The following CDH18 variants were observed in gnomAD, a reference collection of about 807,000 sequenced individuals.
The protein encoded by CDH18 is cadherin-18.
In CDH18, 31 loss-of-function variants were observed where a neutral mutation model predicts 67.9. That is an observed-to-expected ratio of 0.46 (90% confidence interval 0.34 to 0.62). The LOEUF (loss-of-function observed/expected upper bound fraction) is 0.62, where lower values mean the gene tolerates loss of function less well. CDH18 is among the 20% of genes least tolerant of loss of function. The probability of loss-of-function intolerance (pLI) is 0.01; values close to 1 mark genes in which losing one functional copy is unlikely to be tolerated. For missense variants in CDH18, 890 were observed against 975.5 expected, an observed-to-expected ratio of 0.91 and a Z score of 1.17; for synonymous variants, 362 against 347.2, an observed-to-expected ratio of 1.04 and a Z score of -0.48.
chr5:19,611,364 G>C (rs1748931658), intron 6 of CDH18, among the ~76,000 whole-genome samples: 1 of 152,134 alleles, frequency 6.6e-6, no homozygotes, highest in Admixed American at 6.6e-5. Context: ...TTCTGCAACA[G>C]GAATTAATTG....
rs1420207814 is a variant in CDH18 at position 19,472,356 on chromosome 5, C to T, written c.*870G>A. On this transcript the variant is annotated 3_prime_UTR_variant, in exon 13 of 13. Coordinates refer to ENST00000382275, the MANE Select transcript of CDH18 (RefSeq NM_004934.5). ...AATTGCTGATTTAAATATAATAAAA[C>T]AAGTGGAAAAAAGGAAAAAAAAAGT... is the stretch of plus-strand genomic sequence containing the variant. Among the ~76,000 whole-genome samples the T allele has an allele frequency of 2.6e-5, 4 of 151,364 alleles. No individual in the cohort carries two copies. Among genetic ancestry groups the T allele is most frequent in the African/African-American group, 9.7e-5 (4 of 41,144 alleles).
intron 2 of CDH18, among the ~76,000 whole-genome samples, chr5:20,141,206 A>C (rs1194220338): frequency 6.6e-6 from 1 of 152,208 alleles, no homozygotes; most frequent in South Asian, 2.1e-4. Context: ...TTGTTTCTTG[A>C]AAACACGAAA....
intron 5 of CDH18, among the ~76,000 whole-genome samples, chr5:19,687,433 A>C (rs1761261192): frequency 6.6e-6 from 1 of 152,142 alleles, no homozygotes; most frequent in Non-Finnish European, 1.5e-5. Context: ...GCATGACATC[A>C]GTTACACCCA....
At chr5:20,451,132 T>C (rs1017469751) in intron 1 of CDH18, among the ~76,000 whole-genome samples, 1 of 152,192 alleles carries the variant, frequency 6.6e-6, no homozygotes, top group African/African-American at 2.4e-5. Context: ...TTATTCTTTA[T>C]TGTAATTACT....
intron 5 of CDH18, among the ~76,000 whole-genome samples, chr5:19,681,089 G>A (rs956498235): frequency 1.3e-5 from 2 of 151,828 alleles, no homozygotes; most frequent in African/African-American, 4.8e-5. Context: ...ACCTTAAAAA[G>A]AACAAGATCA....
chr5:19,999,652 A>G (rs1736288866), intron 2 of CDH18, among the ~76,000 whole-genome samples: 1 of 152,184 alleles, frequency 6.6e-6, no homozygotes, highest in African/African-American at 2.4e-5. Flanking sequence ...AATTCTGGAC[A>G]CTAGCCTCAA....
At chr5:19,481,834 T>G (rs1389222100) in intron 12 of CDH18, among the ~76,000 whole-genome samples, 1 of 152,108 alleles carries the variant, frequency 6.6e-6, no homozygotes, top group Non-Finnish European at 1.5e-5. Context: ...GTCAGTACCA[T>G]AAAAGGAATA....
chr5:19,777,754 T>C (rs1321332407), intron 3 of CDH18, among the ~76,000 whole-genome samples: 1 of 152,170 alleles, frequency 6.6e-6, no homozygotes, highest in Non-Finnish European at 1.5e-5. Context: ...AGTAAGCTAG[T>C]TTTATACCTG....
chr5:19,579,095 T>C (rs1346630249), intron 7 of CDH18, among the ~76,000 whole-genome samples: 1 of 152,022 alleles, frequency 6.6e-6, no homozygotes, highest in Non-Finnish European at 1.5e-5. Context: ...AACCTCCTTA[T>C]TAATTACATT....
At chr5:19,560,281 C>A (rs574722391) in intron 8 of CDH18, among the ~76,000 whole-genome samples, 28 of 152,016 alleles carry the variant, frequency 1.8e-4, no homozygotes, top group African/African-American at 6.5e-4. Context: ...AGGCCATAGT[C>A]ACCAAAACAG....
chr5:19,785,432 C>A (rs1775595852), intron 3 of CDH18, among the ~76,000 whole-genome samples: 1 of 150,876 alleles, frequency 6.6e-6, no homozygotes, highest in African/African-American at 2.4e-5. Context: ...GCGGGCAGAT[C>A]ACCTGGGGTT....
At chr5:20,288,084 T>G (rs955117467) in intron 1 of CDH18, among the ~76,000 whole-genome samples, 1 of 151,700 alleles carries the variant, frequency 6.6e-6, no homozygotes. Flanking sequence ...CATTTTTTTT[T>G]TGTCACTGTG....
intron 2 of CDH18, among the ~76,000 whole-genome samples, chr5:20,154,741 T>C (rs538910240): frequency 1.1e-4 from 17 of 152,270 alleles, no homozygotes; most frequent in Non-Finnish European, 2.2e-4. Flanking sequence ...CAAAACATCA[T>C]ACGCTTTTGC....
chr5:20,452,022 G>A (rs1360072572), intron 1 of CDH18, among the ~76,000 whole-genome samples: 1 of 152,042 alleles, frequency 6.6e-6, no homozygotes. Flanking sequence ...TACCATCAAT[G>A]ATATTCAGTT....
intron 1 of CDH18, among the ~76,000 whole-genome samples, chr5:20,388,811 G>A (rs961938268): frequency 3.3e-5 from 5 of 152,156 alleles, no homozygotes; most frequent in Admixed American, 2.0e-4. Context: ...TATGTACCCA[G>A]TAGTCATTCA....
At chr5:20,075,276 G>A (rs1165288106) in intron 2 of CDH18, among the ~76,000 whole-genome samples, 4 of 152,084 alleles carry the variant, frequency 2.6e-5, no homozygotes, top group African/African-American at 4.8e-5. Flanking sequence ...AGTCTGAGGC[G>A]GGTGGATCAC....
At chr5:19,489,296 G>A (rs1477928201) in intron 11 of CDH18, among the ~76,000 whole-genome samples, 3 of 139,068 alleles carry the variant, frequency 2.2e-5, no homozygotes, top group East Asian at 2.1e-4. Context: ...CGCCCAGGCT[G>A]GAGTGCAGTG....
chr5:20,279,730 C>CAAAAAAAAAAAAAAAAAAAAA (rs1309866477), intron 1 of CDH18, among the ~76,000 whole-genome samples: 17 of 66,694 alleles, frequency 2.5e-4, no homozygotes, highest in Non-Finnish European at 2.9e-4. Flanking sequence ...AAAAAAAAAG[C>CAAAAAAAAAAAAAAAAAAAAA]AAAAACTGTA....
rs78750892 is a variant in CDH18, at chr5:20,057,365, T to C, written c.-517-65351A>G. 0.023 allele frequency among the ~76,000 whole-genome samples: 3,430 copies of C among 152,294 alleles called. 229 individuals are homozygous for C. In the East Asian group the frequency reaches 0.28, roughly 12 times the overall value. On this transcript the variant is annotated intron_variant, in intron 2 of 14. Transcript: ENST00000507958. ...TGAATTTTGAATTTTCCATCGTGAA[T>C]AATCTATGTAACCATTTTGTTATAC... is the stretch of plus-strand genomic sequence containing the variant.
Sources: gnomAD v4.1 joint callset for allele counts (sites outside exome capture counted in the v4.1 genomes callset) on GRCh38, gnomAD v4.1.1 for gene constraint, MANE v1.5 for transcripts, NCBI Gene and HGNC (gene_info 2026-07-23, HGNC 2026-07-21) for gene names.